Variants in EFHD1 observed in about 807,000 individuals in gnomAD.
EFHD1 encodes the protein EF-hand domain family member D1.
A neutral mutation model predicts 17.2 loss-of-function variants in EFHD1; 10 were observed. The ratio of observed to expected loss-of-function variants is 0.58; its 90% confidence interval spans 0.36 to 0.99. The LOEUF (loss-of-function observed/expected upper bound fraction) is 0.99, where lower values mean the gene tolerates loss of function less well. Ranked by LOEUF, EFHD1 falls within the 50% of genes least tolerant of loss-of-function variation. EFHD1 has a pLI of 0.01. For missense variants in EFHD1, 310 were observed against 327.5 expected, an observed-to-expected ratio of 0.95 and a Z score of 0.41; for synonymous variants, 153 against 142.0, an observed-to-expected ratio of 1.08 and a Z score of -0.55.
At chr2:232,632,664 C>T (rs1306383437), upstream of EFHD1, among the ~76,000 whole-genome samples, 4 of 152,298 alleles carry the variant, frequency 2.6e-5, no homozygotes, top group African/African-American at 9.6e-5. Flanking sequence ...CTCACTCTGT[C>T]GCCCAGGCTG....
At chr2:232,632,581 TC>T (rs1334383434), upstream of EFHD1, among the ~76,000 whole-genome samples, 1 of 152,210 alleles carries the variant, frequency 6.6e-6, no homozygotes, top group African/African-American at 2.4e-5. Flanking sequence ...TTTTCAAGCT[TC>T]TTTTCCTTCT....
Position 232,644,316 on chromosome 2 carries a change from T to G in EFHD1, c.302+10310T>G, listed in dbSNP as rs185847239. Among the ~76,000 whole-genome samples the G allele has an allele frequency of 2.5e-4, 38 of 152,172 alleles. No homozygotes were observed. The East Asian group carries it at 7.2e-3, about 29-fold the overall frequency. ...CTCATCGGGGGTGCCATGCCCCTGA[T>G]TTCGTCTCCTCTTAGAAGGGGCTCC... On this transcript the variant is annotated intron_variant, in intron 1 of 3. Transcript: ENST00000264059.
rs530536833 is a variant in EFHD1, at chr2:232,633,890, G to T, written c.186G>T (p.Arg62=). 12 of 1,558,698 alleles carry T rather than the reference G, an allele frequency of 7.7e-6. No individual in the cohort carries two copies. The highest frequency in any genetic ancestry group is 9.5e-6 in the Non-Finnish European group (11 of 1,162,970). Residue 62 remains arginine (R), a synonymous_variant, in exon 1 of 4, where the codon CGG becomes CGT. Transcript: ENST00000264059. ...AGCTGAGCGCCCAGCTGAGCCGGCGGCTGGACATCAACGAGGGCGCTGCGC... is the reference window on the plus strand; with the variant it reads ...AGCTGAGCGCCCAGCTGAGCCGGCGTCTGGACATCAACGAGGGCGCTGCGC... The part of the protein sequence containing the change: ...DAELSAQLSR[R]LDINEGAARP...
chr2:232,635,719 T>C (rs2106194462), intron 1 of EFHD1, among the ~76,000 whole-genome samples: 1 of 151,930 alleles, frequency 6.6e-6, no homozygotes, highest in African/African-American at 2.4e-5. Context: ...CTCGGGAGGC[T>C]GAGGTGGGAG....
intron 2 of EFHD1, among the ~76,000 whole-genome samples, chr2:232,671,208 G>A (rs1261460079): frequency 1.3e-5 from 2 of 152,046 alleles, no homozygotes; most frequent in Non-Finnish European, 2.9e-5. Flanking sequence ...ACTGAGGCAG[G>A]AGGATCACTT....
At chr2:232,644,533 G>A (rs1028195465) in intron 1 of EFHD1, among the ~76,000 whole-genome samples, 7 of 151,104 alleles carry the variant, frequency 4.6e-5, no homozygotes, top group African/African-American at 1.7e-4. Context: ...TTATTTTTGA[G>A]ACAGAGTCTC....
intron 2 of EFHD1, among the ~76,000 whole-genome samples, chr2:232,668,720 A>AC (rs1298099029): frequency 6.6e-6 from 1 of 151,788 alleles, no homozygotes; most frequent in East Asian, 1.9e-4. Flanking sequence ...TGCAACCTCC[A>AC]CCCCTCAGAT....
intron 1 of EFHD1, among the ~76,000 whole-genome samples, chr2:232,618,181 G>A (rs145637826): frequency 0.011 from 1,686 of 151,410 alleles, 12 homozygotes; most frequent in Non-Finnish European, 0.016. Context: ...CACCGTGCCC[G>A]GATAATTTTT....
chr2:232,680,926 G>A (rs765709058), intron 3 of EFHD1, among the ~76,000 whole-genome samples: 97 of 152,286 alleles, frequency 6.4e-4, no homozygotes, highest in Non-Finnish European at 1.1e-3. Context: ...CAGCACTTTG[G>A]GAGGCCAAGA....
intron 1 of EFHD1, among the ~76,000 whole-genome samples, chr2:232,637,390 C>T (rs1422663204): frequency 6.9e-6 from 1 of 144,342 alleles, no homozygotes; most frequent in African/African-American, 2.6e-5. Context: ...ATTGCCCAGG[C>T]TGGAGTGCAG....
intron 1 of EFHD1, among the ~76,000 whole-genome samples, chr2:232,648,762 C>T (rs1694580886): frequency 6.6e-6 from 1 of 152,106 alleles, no homozygotes; most frequent in South Asian, 2.1e-4. Context: ...GCATTTGTAA[C>T]ACTCCTGGGT....
chr2:232,661,314 C>T (rs1054634903), intron 1 of EFHD1, among the ~76,000 whole-genome samples: 2 of 152,082 alleles, frequency 1.3e-5, no homozygotes, highest in African/African-American at 4.8e-5. Flanking sequence ...AACTCCCATG[C>T]CCCTCTCTCC....
intron 2 of EFHD1, among the ~76,000 whole-genome samples, chr2:232,669,524 T>C (rs1695029827): frequency 6.6e-6 from 1 of 151,712 alleles, no homozygotes. Flanking sequence ...GATACTCAAG[T>C]GAGGATTTGG....
At chr2:232,617,108 G>T (rs908362034) in intron 1 of EFHD1, among the ~76,000 whole-genome samples, 2 of 152,178 alleles carry the variant, frequency 1.3e-5, no homozygotes, top group African/African-American at 4.8e-5. Context: ...CCATTGACTG[G>T]AGCCCTCCAT....
intron 2 of EFHD1, among the ~76,000 whole-genome samples, chr2:232,667,998 C>T (rs1468991517): frequency 2.0e-5 from 3 of 152,242 alleles, no homozygotes; most frequent in Non-Finnish European, 4.4e-5. Context: ...TAAAAATTCC[C>T]TGAGTGTATC....
At chr2:232,616,729 A>G (rs938377048) in intron 1 of EFHD1, among the ~76,000 whole-genome samples, 2 of 152,236 alleles carry the variant, frequency 1.3e-5, no homozygotes, top group African/African-American at 4.8e-5. Context: ...TCAATTTTAC[A>G]GGATACAAAA....
chr2:232,631,702 A>AAC (rs1300871229), upstream of EFHD1, among the ~76,000 whole-genome samples: 10 of 140,402 alleles, frequency 7.1e-5, no homozygotes, highest in South Asian at 2.1e-4. Context: ...AAAAAAAAAA[A>AAC]AAAACAAAAA....
chr2:232,634,402 A>G (rs1694276240), intron 1 of EFHD1, among the ~76,000 whole-genome samples: 1 of 152,266 alleles, frequency 6.6e-6, no homozygotes, highest in Non-Finnish European at 1.5e-5. Flanking sequence ...CAAGGGAAAA[A>G]TTAGCCCCTG....
intron 2 of EFHD1, among the ~76,000 whole-genome samples, chr2:232,664,341 A>G: frequency 6.8e-6 from 1 of 147,200 alleles, no homozygotes; most frequent in Non-Finnish European, 1.5e-5. Flanking sequence ...GGGTCTTGCT[A>G]TGTTGCCCAG....
Sources: allele counts gnomAD v4.1 joint callset (sites outside exome capture counted in the v4.1 genomes callset), GRCh38; gene constraint gnomAD v4.1.1; transcripts MANE v1.5; gene names NCBI Gene and HGNC (gene_info 2026-07-23, HGNC 2026-07-21).